The following ITGA9 variants were observed in gnomAD, a reference collection of about 807,000 sequenced individuals.
ITGA9 encodes integrin alpha-9.
ITGA9 carries 56 observed loss-of-function variants against 127.8 expected under a neutral mutation model. The observed-to-expected ratio is 0.44, with a 90% confidence interval of 0.35 to 0.55. The LOEUF is 0.55. Among genes scored for constraint, ITGA9 ranks in the 20% least tolerant of loss-of-function variants. ITGA9 has a pLI of 0.00. For synonymous variants in ITGA9, 508 were observed against 514.5 expected, an observed-to-expected ratio of 0.99 and a Z score of 0.17; for missense variants, 1,196 against 1,347.1, an observed-to-expected ratio of 0.89 and a Z score of 1.76.
chr3:37,560,000 G>A (rs1389547416), intron 15 of ITGA9, among the ~76,000 whole-genome samples: 3 of 152,114 alleles, frequency 2.0e-5, no homozygotes, highest in South Asian at 2.1e-4. Flanking sequence ...TGTGCACAAC[G>A]TGCAGGTTTG....
chr3:37,677,744 G>A (rs1328565651), intron 17 of ITGA9, among the ~76,000 whole-genome samples: 1 of 152,148 alleles, frequency 6.6e-6, no homozygotes, highest in Non-Finnish European at 1.5e-5. Flanking sequence ...GCAAAATGGT[G>A]ACCCAAATGG....
intron 15 of ITGA9, among the ~76,000 whole-genome samples, chr3:37,594,080 TG>T (rs1699845962): frequency 6.6e-6 from 1 of 152,292 alleles, no homozygotes; most frequent in South Asian, 2.1e-4. Context: ...CTGCCACACG[TG>T]GGGCCAAGGG....
chr3:37,640,560 A>G (rs1293492717), intron 16 of ITGA9, among the ~76,000 whole-genome samples: 1 of 152,178 alleles, frequency 6.6e-6, no homozygotes, highest in African/African-American at 2.4e-5. Context: ...GGCCTGTAGA[A>G]CCTGGAGCAG....
chr3:37,797,050 G>A (rs78488348), intron 26 of ITGA9, among the ~76,000 whole-genome samples: 14,725 of 152,096 alleles, frequency 0.097, 1,230 homozygotes, highest in African/African-American at 0.23. Flanking sequence ...AGAAAGAGGG[G>A]CTGGGTCAGG....
At position 37,821,581 on chromosome 3, in the gene ITGA9, A is replaced by G. The variant is rs1697515191; in HGVS notation, c.*2592A>G. 1 of 152,146 alleles carries G rather than the reference A, an allele frequency of 6.6e-6. No individual in the cohort carries two copies. Among genetic ancestry groups the G allele is most frequent in the Non-Finnish European group, 1.5e-5 (1 of 68,036 alleles). The allele number at this position is 152,146 out of a possible 1,614,324, so 9.4% of individuals were successfully genotyped here. A position where few individuals can be genotyped will look rare whatever the true frequency, so the allele number is the denominator to read the frequency against. On this transcript the variant is annotated 3_prime_UTR_variant, in exon 28 of 28. Coordinates refer to ENST00000264741, the MANE Select transcript of ITGA9 (RefSeq NM_002207.3). Reference sequence around the variant, plus strand: ...AACAGCTTTGGCCACATGCACTTAGAGCAACTAACTTGCCTCCTGCCGGGG... The same window carrying G: ...AACAGCTTTGGCCACATGCACTTAGGGCAACTAACTTGCCTCCTGCCGGGG...
chr3:37,561,370 C>T (rs1430818651), intron 15 of ITGA9, among the ~76,000 whole-genome samples: 5 of 152,156 alleles, frequency 3.3e-5, no homozygotes, highest in Non-Finnish European at 7.4e-5. Context: ...GGTCTAGTGT[C>T]GAACCTCCTA....
chr3:37,684,884 A>G (rs1237550241), intron 18 of ITGA9, among the ~76,000 whole-genome samples: 1 of 152,210 alleles, frequency 6.6e-6, no homozygotes, highest in African/African-American at 2.4e-5. Context: ...ACTCAAAGGT[A>G]CAGTGCTGGT....
At chr3:37,580,255 T>C (rs1198269364) in intron 15 of ITGA9, among the ~76,000 whole-genome samples, 2 of 152,234 alleles carry the variant, frequency 1.3e-5, no homozygotes, top group East Asian at 3.8e-4. Flanking sequence ...ACTTCATGTT[T>C]GTAAAAGGAC....
chr3:37,742,627 C>A (rs908381449), intron 21 of ITGA9, among the ~76,000 whole-genome samples: 3 of 152,206 alleles, frequency 2.0e-5, no homozygotes, highest in Non-Finnish European at 4.4e-5. Flanking sequence ...GAACCCTTGA[C>A]CCAAATGCAA....
intron 26 of ITGA9, 151 bp downstream of exon 26, chr3:37,785,229 C>T: frequency 1.4e-6 from 1 of 691,786 alleles, no homozygotes; most frequent in East Asian, 2.7e-5. Context: ...CCTTGGCTTC[C>T]AGGCCCCCCC....
intron 18 of ITGA9, among the ~76,000 whole-genome samples, chr3:37,688,629 A>G (rs1266498492): frequency 2.0e-5 from 3 of 151,996 alleles, no homozygotes; most frequent in Non-Finnish European, 4.4e-5. Flanking sequence ...CTGGCTCACC[A>G]TGCCCCCACA....
intron 15 of ITGA9, among the ~76,000 whole-genome samples, chr3:37,616,682 C>T (rs1338192017): frequency 1.6e-4 from 24 of 152,138 alleles, no homozygotes; most frequent in Non-Finnish European, 3.1e-4. Context: ...GGATAGTTAG[C>T]TCTTCTTGTT....
chr3:37,691,637 G>A (rs995862420), intron 18 of ITGA9, among the ~76,000 whole-genome samples: 4 of 152,184 alleles, frequency 2.6e-5, no homozygotes, highest in Non-Finnish European at 5.9e-5. Flanking sequence ...CCACCAGCCT[G>A]TGACCTCCAG....
intron 15 of ITGA9, among the ~76,000 whole-genome samples, chr3:37,613,769 G>A (rs1447268343): frequency 2.0e-5 from 3 of 152,220 alleles, no homozygotes. Flanking sequence ...CTTCTTTTGA[G>A]AAGTGTCTGT....
At chr3:37,804,743 C>G (rs1315226554) in intron 27 of ITGA9, among the ~76,000 whole-genome samples, 1 of 152,166 alleles carries the variant, frequency 6.6e-6, no homozygotes, top group Non-Finnish European at 1.5e-5. Flanking sequence ...TAGGTGAAAA[C>G]AGCCTCTTAG....
At chr3:37,545,383 T>A (rs1293666020) in intron 15 of ITGA9, among the ~76,000 whole-genome samples, 1 of 152,122 alleles carries the variant, frequency 6.6e-6, no homozygotes, top group Non-Finnish European at 1.5e-5. Context: ...TTTTTCTCCC[T>A]CTCCTTTTCC....
At chr3:37,740,051 T>C (rs1392816716) in intron 20 of ITGA9, among the ~76,000 whole-genome samples, 1 of 152,136 alleles carries the variant, frequency 6.6e-6, no homozygotes, top group Non-Finnish European at 1.5e-5. Flanking sequence ...ACTGTGGCCC[T>C]ATGGGGTCAG....
At chr3:37,741,337 G>C (rs1191493997) in intron 20 of ITGA9, among the ~76,000 whole-genome samples, 1 of 151,258 alleles carries the variant, frequency 6.6e-6, no homozygotes, top group Non-Finnish European at 1.5e-5. Context: ...TAAAGGCCTG[G>C]CTCCCATGCC....
chr3:37,519,253 C>T lies in ITGA9; in HGVS notation c.1142-7C>T. 6 of 1,611,648 alleles carry T rather than the reference C, an allele frequency of 3.7e-6. No individual in the cohort carries two copies. The highest frequency in any genetic ancestry group is 5.1e-6 in the Non-Finnish European group (6 of 1,178,264). On this transcript the variant is annotated splice_region_variant and splice_polypyrimidine_tract_variant and intron_variant, in intron 10 of 27. Coordinates refer to ENST00000264741, the MANE Select transcript of ITGA9 (RefSeq NM_002207.3). ...TTTTTAACCCATAGCTGTTTTTTTA[C>T]CCTCAGATGTGGCCATTGGTGCACC...
Sources: gnomAD v4.1 joint callset for allele counts (sites outside exome capture counted in the v4.1 genomes callset) on GRCh38, gnomAD v4.1.1 for gene constraint, MANE v1.5 for transcripts, NCBI Gene and HGNC (gene_info 2026-07-23, HGNC 2026-07-21) for gene names.